FBXL7: variants seen among roughly 807,000 people sequenced by gnomAD.
FBXL7 encodes the protein F-box/LRR-repeat protein 7.
In FBXL7, 12 loss-of-function variants were observed where a neutral mutation model predicts 38.3. The ratio of observed to expected loss-of-function variants is 0.31; its 90% CI spans 0.20 to 0.51. The LOEUF (loss-of-function observed/expected upper bound fraction) is 0.51. Ranked by LOEUF, FBXL7 falls within the 20% of genes least tolerant of loss-of-function variation. The probability of loss-of-function intolerance (pLI) is 0.98; values close to 1 mark genes in which losing one functional copy is unlikely to be tolerated. For missense variants in FBXL7, 567 were observed against 676.4 expected (o/e 0.84, Z 1.79); for synonymous variants, 297 against 300.9 (o/e 0.99, Z 0.13).
intron 1 of FBXL7, among the ~76,000 whole-genome samples, chr5:15,558,046 G>C (rs779509229): frequency 5.3e-5 from 8 of 152,114 alleles, no homozygotes; most frequent in Non-Finnish European, 1.2e-4. Context: ...CTTCTGTTTG[G>C]GGTGACGGCA....
At chr5:15,644,536 G>C (rs981108504) in intron 2 of FBXL7, among the ~76,000 whole-genome samples, 3 of 147,254 alleles carry the variant, frequency 2.0e-5, no homozygotes, top group Non-Finnish European at 4.5e-5. Flanking sequence ...GTGGTGGGGG[G>C]ACAGAGAGAG....
intron 2 of FBXL7, among the ~76,000 whole-genome samples, chr5:15,696,180 G>A (rs1274758944): frequency 1.3e-5 from 2 of 152,178 alleles, no homozygotes; most frequent in African/African-American, 4.8e-5. Flanking sequence ...ATGGCATGGT[G>A]TGGTTAACTG....
intron 1 of FBXL7, among the ~76,000 whole-genome samples, chr5:15,564,568 GTAAAAAA>G (rs1384964378): frequency 6.6e-6 from 1 of 151,826 alleles, no homozygotes; most frequent in Non-Finnish European, 1.5e-5. Flanking sequence ...TGAAAAAGGA[GTAAAAAA>G]GAAAAAAGAA....
At chr5:15,817,614 G>T (rs1738053701) in intron 2 of FBXL7, among the ~76,000 whole-genome samples, 1 of 152,094 alleles carries the variant, frequency 6.6e-6, no homozygotes, top group East Asian at 1.9e-4. Flanking sequence ...CATGGGGGTG[G>T]TTTTTCCCAT....
intron 2 of FBXL7, among the ~76,000 whole-genome samples, chr5:15,728,931 C>T (rs748874624): frequency 8.5e-5 from 13 of 152,078 alleles, no homozygotes; most frequent in Non-Finnish European, 1.8e-4. Context: ...CCTGAACTAG[C>T]CAAATGACTT....
chr5:15,820,629 A>C (rs1167152340), intron 2 of FBXL7, among the ~76,000 whole-genome samples: 1 of 151,852 alleles, frequency 6.6e-6, no homozygotes, highest in Non-Finnish European at 1.5e-5. Flanking sequence ...TCTGAGTCTT[A>C]TGTATGCTTT....
chr5:15,637,174 A>G (rs150630244), intron 2 of FBXL7, among the ~76,000 whole-genome samples: 291 of 152,314 alleles, frequency 1.9e-3, no homozygotes, highest in African/African-American at 6.9e-3. Flanking sequence ...TTAAAATAAA[A>G]AATATAAAAA....
chr5:15,652,238 T>G (rs1240811735), intron 2 of FBXL7, among the ~76,000 whole-genome samples: 1 of 152,234 alleles, frequency 6.6e-6, no homozygotes, highest in Non-Finnish European at 1.5e-5. Context: ...CATTTGTGTG[T>G]TCACTGGAGT....
At chr5:15,831,084 A>C (rs1738445220) in intron 2 of FBXL7, among the ~76,000 whole-genome samples, 1 of 152,174 alleles carries the variant, frequency 6.6e-6, no homozygotes, top group South Asian at 2.1e-4. Flanking sequence ...CAGCACTTAC[A>C]AGGTTAACTG....
intron 2 of FBXL7, among the ~76,000 whole-genome samples, chr5:15,794,271 T>C (rs1737357491): frequency 6.6e-6 from 1 of 152,234 alleles, no homozygotes; most frequent in African/African-American, 2.4e-5. Context: ...TCAGACTGTT[T>C]CCATAGTATT....
chr5:15,676,546 C>T (rs1742661267), intron 2 of FBXL7, among the ~76,000 whole-genome samples: 1 of 152,178 alleles, frequency 6.6e-6, no homozygotes, highest in African/African-American at 2.4e-5. Flanking sequence ...TTCTTAGTGG[C>T]TATCTCAGAC....
chr5:15,585,175 C>A (rs947886080), intron 1 of FBXL7, among the ~76,000 whole-genome samples: 12 of 152,048 alleles, frequency 7.9e-5, no homozygotes, highest in African/African-American at 2.9e-4. Flanking sequence ...GTCTGAGAGC[C>A]TCCAACACAT....
At chr5:15,659,687 G>C (rs1267230377) in intron 2 of FBXL7, among the ~76,000 whole-genome samples, 1 of 152,182 alleles carries the variant, frequency 6.6e-6, no homozygotes, top group Non-Finnish European at 1.5e-5. Flanking sequence ...ATGGTGTAAG[G>C]AGTATAATGC....
intron 2 of FBXL7, among the ~76,000 whole-genome samples, chr5:15,770,728 T>C (rs920769419): frequency 6.6e-6 from 1 of 152,240 alleles, no homozygotes; most frequent in African/African-American, 2.4e-5. Flanking sequence ...TGTCCTATTA[T>C]AGAGATTGGG....
chr5:15,536,879 A>G (rs897928652), intron 1 of FBXL7, among the ~76,000 whole-genome samples: 1 of 151,940 alleles, frequency 6.6e-6, no homozygotes, highest in African/African-American at 2.4e-5. Flanking sequence ...CTTCACCCAA[A>G]TCTCATCTTG....
At chr5:15,566,723 G>T (rs1249000589) in intron 1 of FBXL7, among the ~76,000 whole-genome samples, 1 of 152,152 alleles carries the variant, frequency 6.6e-6, no homozygotes, top group Admixed American at 6.6e-5. Context: ...TTACTTTTCT[G>T]CAACCTTTGA....
chr5:15,694,730 T>C (rs1743280857), intron 2 of FBXL7, among the ~76,000 whole-genome samples: 1 of 152,158 alleles, frequency 6.6e-6, no homozygotes, highest in Admixed American at 6.5e-5. Flanking sequence ...TCATACGTGC[T>C]TCAGCTAAGC....
intron 2 of FBXL7, among the ~76,000 whole-genome samples, chr5:15,839,486 CT>C (rs565367714): frequency 2.6e-5 from 4 of 151,856 alleles, no homozygotes; most frequent in Admixed American, 1.3e-4. Context: ...TTGCATATAT[CT>C]TTTTTTCCAT....
intron 2 of FBXL7, among the ~76,000 whole-genome samples, chr5:15,622,768 G>A (rs1183176191): frequency 2.0e-5 from 3 of 152,188 alleles, no homozygotes; most frequent in Non-Finnish European, 4.4e-5. Flanking sequence ...GCAGTTGCAT[G>A]ATCTCGGCTC....
Sources: allele counts gnomAD v4.1 joint callset (sites outside exome capture counted in the v4.1 genomes callset), GRCh38; gene constraint gnomAD v4.1.1; transcripts MANE v1.5; gene names NCBI Gene and HGNC (gene_info 2026-07-23, HGNC 2026-07-21).